Variants in PLEKHM3 observed in about 807,000 individuals in gnomAD.
The protein encoded by PLEKHM3 is pleckstrin homology domain containing M3, also known as pleckstrin homology domain-containing family M member 3.
A neutral mutation model predicts 81.8 loss-of-function variants in PLEKHM3; 45 were observed. That is an observed-to-expected ratio of 0.55 (90% confidence interval 0.43 to 0.71). PLEKHM3 has a LOEUF of 0.71. Ranked by LOEUF, PLEKHM3 falls within the 30% of genes least tolerant of loss-of-function variation. The pLI is 0.00. For missense variants in PLEKHM3, 788 were observed against 924.3 expected (o/e 0.85, Z 1.91); for synonymous variants, 352 against 356.4 (o/e 0.99, Z 0.14).
chr2:207,855,779 C>A (rs2092434624), intron 7 of PLEKHM3, among the ~76,000 whole-genome samples: 1 of 152,146 alleles, frequency 6.6e-6, no homozygotes. Flanking sequence ...CAGTACTTCT[C>A]AAAACTGTCA....
intron 6 of PLEKHM3, among the ~76,000 whole-genome samples, chr2:207,877,404 C>T (rs1011646769): frequency 2.0e-5 from 3 of 152,190 alleles, no homozygotes; most frequent in Non-Finnish European, 4.4e-5. Flanking sequence ...TTCATTTGCT[C>T]CTGCTAGCAG....
At chr2:207,846,379 A>T (rs1392598445) in intron 7 of PLEKHM3, among the ~76,000 whole-genome samples, 2 of 151,968 alleles carry the variant, frequency 1.3e-5, no homozygotes, top group African/African-American at 4.8e-5. Flanking sequence ...TGACCTCATG[A>T]TCCACCAGGC....
At chr2:207,960,870 T>G (rs1274589930) in intron 3 of PLEKHM3, among the ~76,000 whole-genome samples, 4 of 152,232 alleles carry the variant, frequency 2.6e-5, no homozygotes, top group Admixed American at 6.5e-5. Context: ...ACGACTTCTC[T>G]TTATCTAAGA....
intron 6 of PLEKHM3, among the ~76,000 whole-genome samples, chr2:207,901,477 G>A (rs1477958704): frequency 6.6e-6 from 1 of 152,222 alleles, no homozygotes; most frequent in Non-Finnish European, 1.5e-5. Context: ...GAAGTCAGAA[G>A]ACCCAGCTCC....
At chr2:207,960,598 G>A (rs1251712683) in intron 3 of PLEKHM3, among the ~76,000 whole-genome samples, 1 of 152,224 alleles carries the variant, frequency 6.6e-6, no homozygotes, top group East Asian at 1.9e-4. Context: ...TATTAACCCT[G>A]TAAAACTCCT....
chr2:207,974,100 G>A (rs933671874), intron 3 of PLEKHM3, among the ~76,000 whole-genome samples: 10 of 152,070 alleles, frequency 6.6e-5, no homozygotes, highest in South Asian at 2.1e-4. Flanking sequence ...GCCAAATTTC[G>A]TGAGCACAAA....
intron 7 of PLEKHM3, among the ~76,000 whole-genome samples, chr2:207,840,801 T>G (rs1344955919): frequency 7.8e-6 from 1 of 127,788 alleles, no homozygotes; most frequent in Non-Finnish European, 1.6e-5. Context: ...CTTTTTATGT[T>G]TTTTTTTTTT....
At chr2:207,926,451 G>A (rs1298720782) in intron 5 of PLEKHM3, among the ~76,000 whole-genome samples, 1 of 152,190 alleles carries the variant, frequency 6.6e-6, no homozygotes, top group Non-Finnish European at 1.5e-5. Context: ...CAAGAGCTGA[G>A]GCTCTTCCTA....
intron 7 of PLEKHM3, among the ~76,000 whole-genome samples, chr2:207,828,925 C>T (rs1402064182): frequency 6.6e-6 from 1 of 152,214 alleles, no homozygotes; most frequent in Non-Finnish European, 1.5e-5. Context: ...CAGCTTTCTA[C>T]ATCAGTTAAC....
chr2:207,840,565 A>G (rs1461649209), intron 7 of PLEKHM3, among the ~76,000 whole-genome samples: 1 of 152,072 alleles, frequency 6.6e-6, no homozygotes, highest in Non-Finnish European at 1.5e-5. Flanking sequence ...TTAAAATCTA[A>G]TTTTGCTTTA....
intron 3 of PLEKHM3, among the ~76,000 whole-genome samples, chr2:207,957,881 G>A (rs982495344): frequency 6.6e-6 from 1 of 152,318 alleles, no homozygotes; most frequent in Admixed American, 6.5e-5. Flanking sequence ...CCCAACAGGG[G>A]ATATTTGTAA....
At chr2:207,950,178 T>C (rs1453659322) in intron 3 of PLEKHM3, among the ~76,000 whole-genome samples, 1 of 152,216 alleles carries the variant, frequency 6.6e-6, no homozygotes, top group Non-Finnish European at 1.5e-5. Flanking sequence ...TGGGTGTCTT[T>C]ACTTTCATAC....
At chr2:207,986,008 C>T (rs1315577756) in intron 2 of PLEKHM3, among the ~76,000 whole-genome samples, 1 of 151,098 alleles carries the variant, frequency 6.6e-6, no homozygotes, top group Non-Finnish European at 1.5e-5. Flanking sequence ...AAAAAAAATA[C>T]CATGTTCCAG....
rs1172698631 is a variant in PLEKHM3 at position 208,006,498 on chromosome 2, T to C, written c.-318-4541A>G. On this transcript the variant is annotated intron_variant, in intron 1 of 7. Transcript: ENST00000427836. ...GGCCTCTGGCAAACCATTTAACCTC[T>C]GCATGCCTTACTCAGCTACCTGTAT... Among the ~76,000 whole-genome samples the C allele has an allele frequency of 2.0e-5, 3 of 152,214 alleles. No individual in the cohort carries two copies. In the East Asian group the frequency reaches 5.8e-4, roughly 29 times the overall value.
chr2:207,973,093 A>C (rs772442032), intron 3 of PLEKHM3, among the ~76,000 whole-genome samples: 15 of 152,250 alleles, frequency 9.9e-5, no homozygotes, highest in Non-Finnish European at 1.9e-4. Context: ...TCCTTAAAAT[A>C]ATACGTAAAG....
At chr2:207,866,258 C>CGAT (rs2092500267) in intron 6 of PLEKHM3, among the ~76,000 whole-genome samples, 1 of 152,038 alleles carries the variant, frequency 6.6e-6, no homozygotes, top group South Asian at 2.1e-4. Flanking sequence ...CAGCTTCAAG[C>CGAT]GATTCTCCTG....
intron 1 of PLEKHM3, among the ~76,000 whole-genome samples, chr2:208,011,064 CAAAAAAAAA>C (rs10587149): frequency 1.5e-5 from 1 of 65,056 alleles, no homozygotes; most frequent in African/African-American, 3.9e-5. Flanking sequence ...TGGCCATAAT[CAAAAAAAAA>C]AAAAAAAAAA....
chr2:207,881,866 G>A (rs2092593467), intron 6 of PLEKHM3, among the ~76,000 whole-genome samples: 1 of 152,032 alleles, frequency 6.6e-6, no homozygotes, highest in East Asian at 1.9e-4. Context: ...CACCATCCTG[G>A]GGTCAGTCTG....
intron 7 of PLEKHM3, among the ~76,000 whole-genome samples, chr2:207,855,388 C>T (rs1304948557): frequency 6.6e-6 from 1 of 152,064 alleles, no homozygotes; most frequent in East Asian, 1.9e-4. Context: ...ATGCACAAGT[C>T]CATACTGATA....
Sources: allele counts gnomAD v4.1 joint callset (sites outside exome capture counted in the v4.1 genomes callset), GRCh38; gene constraint gnomAD v4.1.1; transcripts MANE v1.5; gene names NCBI Gene and HGNC (gene_info 2026-07-23, HGNC 2026-07-21).